The following CBLB variants were observed in gnomAD, a reference collection of about 807,000 sequenced individuals.
CBLB encodes Cbl proto-oncogene B.
CBLB carries 31 observed loss-of-function variants against 104.9 expected under a neutral mutation model. The ratio of observed to expected loss-of-function variants is 0.30; its 90% confidence interval spans 0.22 to 0.40. The LOEUF (loss-of-function observed/expected upper bound fraction) is 0.40, where lower values mean the gene tolerates loss of function less well. Among genes scored for constraint, CBLB ranks in the 10% least tolerant of loss-of-function variants. The probability of loss-of-function intolerance (pLI) is 1.00; values close to 1 mark genes in which losing one functional copy is unlikely to be tolerated. For missense variants in CBLB, 1,062 were observed against 1,214.6 expected (o/e 0.87, Z 1.87); for synonymous variants, 440 against 422.6 (o/e 1.04, Z -0.51).
Position 105,776,409 on chromosome 3 carries a change from A to G in CBLB, c.553T>C (p.Phe185Leu). The G allele has an allele frequency of 6.2e-7, 1 of 1,613,574 alleles. No individual in the cohort carries two copies. The highest frequency in any genetic ancestry group is 1.1e-5 in the South Asian group (1 of 91,076). ...KADAAEFWRK[F>L]FGDKTIVPWK... is the part of the protein sequence containing the mutation. ...ATTTTTACTTACTTGTCTCCAAAAA[A>G]CTTTCTCCAGAATTCAGCAGCATCT... Residue 185 changes from phenylalanine to leucine, a missense_variant, in exon 4 of 19, where the codon TTT (phenylalanine) becomes CTT (leucine). This residue lies in a region of CBLB where 457 missense variants were observed against 632.0 expected (regional missense o/e 0.72). Transcript: ENST00000394030.
At chr3:105,679,920 C>T (rs1201107761) in intron 16 of CBLB, among the ~76,000 whole-genome samples, 1 of 152,162 alleles carries the variant, frequency 6.6e-6, no homozygotes. Flanking sequence ...CTATTTCCTA[C>T]ATTATCATAT....
At chr3:105,858,181 A>G (rs1441304742) in intron 2 of CBLB, among the ~76,000 whole-genome samples, 1 of 152,182 alleles carries the variant, frequency 6.6e-6, no homozygotes, top group Admixed American at 6.5e-5. Context: ...AGTGCAACAT[A>G]CAATGCTGAA....
intron 4 of CBLB, among the ~76,000 whole-genome samples, chr3:105,760,883 AAAAAC>A (rs1316043219): frequency 6.6e-6 from 1 of 152,250 alleles, no homozygotes; most frequent in African/African-American, 2.4e-5. Flanking sequence ...TTAACAAAAC[AAAAAC>A]AAATCTATAC....
chr3:105,711,331 A>AG (rs11373809), intron 10 of CBLB, among the ~76,000 whole-genome samples: 33,174 of 151,932 alleles, frequency 0.22, 3,727 homozygotes, highest in Admixed American at 0.26. Context: ...AAATTAATGA[A>AG]GACATTGATA....
At chr3:105,800,435 A>ATCC (rs2082718161) in intron 3 of CBLB, among the ~76,000 whole-genome samples, 1 of 152,146 alleles carries the variant, frequency 6.6e-6, no homozygotes, top group Non-Finnish European at 1.5e-5. Context: ...TACCATTACC[A>ATCC]GGGCCCATCC....
intron 7 of CBLB, among the ~76,000 whole-genome samples, chr3:105,737,601 G>C (rs1365851547): frequency 6.6e-6 from 1 of 151,970 alleles, no homozygotes; most frequent in Non-Finnish European, 1.5e-5. Context: ...ATACCTATTT[G>C]CAACTATTAC....
chr3:105,808,894 A>G (rs1373228662), intron 3 of CBLB, among the ~76,000 whole-genome samples: 6 of 152,236 alleles, frequency 3.9e-5, no homozygotes, highest in Non-Finnish European at 7.3e-5. Flanking sequence ...AAAATAAATT[A>G]AGAAAAATTC....
chr3:105,669,163 G>C (rs2064803014), intron 18 of CBLB, among the ~76,000 whole-genome samples: 4 of 152,064 alleles, frequency 2.6e-5, no homozygotes, highest in Admixed American at 2.0e-4. Context: ...TGAGGATAAA[G>C]CAATGCTATG....
At chr3:105,855,069 T>C (rs1045845429) in intron 2 of CBLB, among the ~76,000 whole-genome samples, 1 of 152,222 alleles carries the variant, frequency 6.6e-6, no homozygotes, top group African/African-American at 2.4e-5. Context: ...GGAAGGTATA[T>C]GTGAGGCATA....
intron 5 of CBLB, among the ~76,000 whole-genome samples, chr3:105,747,021 A>G (rs1276884431): frequency 1.3e-5 from 2 of 152,240 alleles, no homozygotes; most frequent in Non-Finnish European, 2.9e-5. Context: ...GAGTTACATA[A>G]AAACAAAACT....
At chr3:105,786,139 A>G (rs1329943529) in intron 3 of CBLB, among the ~76,000 whole-genome samples, 1 of 151,458 alleles carries the variant, frequency 6.6e-6, no homozygotes, top group Non-Finnish European at 1.5e-5. Context: ...GTACAATCTT[A>G]GTTCTATTAA....
intron 3 of CBLB, 29 bp downstream of exon 3, chr3:105,853,385 C>T: frequency 6.2e-7 from 1 of 1,609,710 alleles, no homozygotes; most frequent in Non-Finnish European, 8.5e-7. Flanking sequence ...ATGACCTTTA[C>T]ACCAAAACAT....
chr3:105,667,614 G>T lies in CBLB; in HGVS notation c.2689+2619C>A, dbSNP rs185960776. Among the ~76,000 whole-genome samples the T allele has an allele frequency of 3.8e-4, 58 of 152,164 alleles. 1 individual carries two copies. The East Asian group carries it at 6.4e-3, about 17-fold the overall frequency. On this transcript the variant is annotated intron_variant, in intron 18 of 18. Coordinates refer to ENST00000394030, the MANE Select transcript of CBLB (RefSeq NM_170662.5). Reference sequence around the variant, plus strand: ...GAAAAGCATAAAATATTTTCTTTGGGAGGAATAAACATTTAGAAGGCTCTT... The same window carrying T: ...GAAAAGCATAAAATATTTTCTTTGGTAGGAATAAACATTTAGAAGGCTCTT...
intron 3 of CBLB, among the ~76,000 whole-genome samples, chr3:105,827,034 T>C (rs1180705749): frequency 3.3e-5 from 5 of 152,188 alleles, no homozygotes; most frequent in Admixed American, 3.3e-4. Flanking sequence ...AATACAGGGC[T>C]TTGAAAGGAA....
rs2063344048 is a variant in CBLB, at chr3:105,656,343, A to C, written c.*2627T>G. 4.9e-6 allele frequency: 1 copy of C among 203,538 alleles called. No homozygotes were observed. Among genetic ancestry groups the C allele is most frequent in the Admixed American group, 6.0e-5 (1 of 16,698 alleles). 12.6% of individuals were successfully genotyped at this position (203,538 alleles called of 1,614,324 possible). A position where few individuals can be genotyped will look rare whatever the true frequency, so the allele number is the denominator to read the frequency against. ...GAAGGAATGTCTAACTTTTTGGATC[A>C]CAGTGAAACAAAGTCTGGATCACTT... On this transcript the variant is annotated 3_prime_UTR_variant, in exon 19 of 19. Coordinates refer to ENST00000394030, the MANE Select transcript of CBLB (RefSeq NM_170662.5).
chr3:105,802,764 C>T (rs2083044427), intron 3 of CBLB, among the ~76,000 whole-genome samples: 1 of 152,132 alleles, frequency 6.6e-6, no homozygotes, highest in Admixed American at 6.5e-5. Context: ...GTGGATTCAA[C>T]TACTTAATTT....
chr3:105,868,810 T>A lies in CBLB; in HGVS notation c.-89A>T. ...CCACACGCACGCAGCCCAGTGTGTGTGGGGAGCCCCGGCTGGGAGTGGGAT... is the reference window on the plus strand; with the variant it reads ...CCACACGCACGCAGCCCAGTGTGTGAGGGGAGCCCCGGCTGGGAGTGGGAT... On this transcript the variant is annotated 5_prime_UTR_variant, in exon 1 of 19. Coordinates refer to ENST00000394030, the MANE Select transcript of CBLB (RefSeq NM_170662.5). 2 of 995,786 alleles carry A rather than the reference T, an allele frequency of 2.0e-6. No individual in the cohort carries two copies. Among genetic ancestry groups the A allele is most frequent in the Non-Finnish European group, 2.4e-6 (2 of 837,190 alleles). 61.7% of individuals were successfully genotyped at this position (995,786 alleles called of 1,614,324 possible). A position where few individuals can be genotyped will look rare whatever the true frequency, so the allele number is the denominator to read the frequency against.
At chr3:105,815,294 T>C (rs2084880132) in intron 3 of CBLB, among the ~76,000 whole-genome samples, 1 of 152,182 alleles carries the variant, frequency 6.6e-6, no homozygotes, top group Non-Finnish European at 1.5e-5. Flanking sequence ...TTTGTTCTTT[T>C]AGAATGTAGT....
chr3:105,857,463 C>T (rs2091725702), intron 2 of CBLB, among the ~76,000 whole-genome samples: 1 of 152,122 alleles, frequency 6.6e-6, no homozygotes, highest in Non-Finnish European at 1.5e-5. Context: ...GTAATTCTTG[C>T]TCTAAGGGAT....
Sources: gnomAD v4.1 joint callset for allele counts (sites outside exome capture counted in the v4.1 genomes callset) on GRCh38, gnomAD v4.1.1 for gene constraint, gnomAD v4.1.1 regional missense constraint, MANE v1.5 for transcripts, NCBI Gene and HGNC (gene_info 2026-07-23, HGNC 2026-07-21) for gene names.